The following TRMT44 variants were observed in gnomAD, a reference collection of about 807,000 sequenced individuals.
TRMT44 encodes tRNA methyltransferase 44 homolog.
Under a neutral mutation model 77.3 loss-of-function variants are expected in TRMT44, and 78 were observed. The observed-to-expected ratio is 1.01, with a 90% CI of 0.84 to 1.22. TRMT44 has a LOEUF of 1.22. Among genes scored for constraint, TRMT44 ranks in the 50% most tolerant of loss-of-function variants. The pLI is 0.00. For synonymous variants in TRMT44, 391 were observed against 383.3 expected (o/e 1.02, Z -0.23); for missense variants, 1,090 against 964.4 (o/e 1.13, Z -1.73).
rs1415832782 is a variant in TRMT44 at position 8,449,901 on chromosome 4, G to A, written c.954+13G>A. ...GGAAATGGTTAAGGTAATTCTGGTGGAGAATATCTGATTTTTCCCCCTTCA... is the reference window on the plus strand; with the variant it reads ...GGAAATGGTTAAGGTAATTCTGGTGAAGAATATCTGATTTTTCCCCCTTCA... On this transcript the variant is annotated intron_variant, in intron 3 of 10. Transcript: ENST00000389737. 6 of 1,292,158 alleles carry A rather than the reference G, an allele frequency of 4.6e-6. No homozygotes were observed. The highest frequency in any genetic ancestry group is 2.4e-5 in the Admixed American group (1 of 41,244). The allele number at this position is 1,292,158 out of a possible 1,614,324, so 80.0% of individuals were successfully genotyped here.
chr4:8,471,952 G>A (rs757996143), intron 10 of TRMT44, among the ~76,000 whole-genome samples: 2 of 152,126 alleles, frequency 1.3e-5, no homozygotes, highest in Non-Finnish European at 1.5e-5. Context: ...ACAGGGCAGG[G>A]AGCCATGGTT....
At chr4:8,506,964 A>C in the TRMT44 span, 1 of 152,744 alleles carries the variant, frequency 6.5e-6, no homozygotes, top group African/African-American at 2.4e-5. Context: ...TGGAATTGTC[A>C]TCAGACAGGC....
rs116081023 is a variant in TRMT44 at position 8,471,654 on chromosome 4, C to T, written c.2044+454C>T. Among the ~76,000 whole-genome samples, 590 of 152,354 alleles carry T rather than the reference C, an allele frequency of 3.9e-3. 4 individuals carry two copies. Among genetic ancestry groups the T allele is most frequent in the African/African-American group, 0.014 (571 of 41,578 alleles). The stretch of plus-strand genomic sequence containing the variant: ...GCCCCACAGGCGGAGGCCTGGACTC[C>T]TGTGGCCCTCGCCCCACGGGCCTGG... On this transcript the variant is annotated intron_variant, in intron 10 of 10. Coordinates refer to ENST00000389737, the MANE Select transcript of TRMT44 (RefSeq NM_152544.3).
the TRMT44 span, among the ~76,000 whole-genome samples, chr4:8,502,919 ACTT>A: frequency 6.6e-6 from 1 of 152,226 alleles, no homozygotes; most frequent in Admixed American, 6.5e-5. Context: ...GCCCAAGACC[ACTT>A]CTTCTTCACC....
At position 8,454,524 on chromosome 4, in the gene TRMT44, C is replaced by G. The variant is rs374517342; in HGVS notation, c.1132-218C>G. ...CACCAGACTGGGCTGCAGGTTCCAG[C>G]TGTTGCTGCTAGCAGGAAGTGGCTA... On this transcript the variant is annotated intron_variant, in intron 5 of 10. Coordinates refer to ENST00000389737, the MANE Select transcript of TRMT44 (RefSeq NM_152544.3). 3.9e-5 allele frequency: 23 copies of G among 592,252 alleles called. No individual in the cohort carries two copies. In the African/African-American group the frequency reaches 4.3e-4, roughly 11 times the overall value. 36.7% of individuals were successfully genotyped at this position (592,252 alleles called of 1,614,324 possible). A position where few individuals can be genotyped will look rare whatever the true frequency, so the allele number is the denominator to read the frequency against.
At chr4:8,474,577 T>C (rs1291637141) in intron 10 of TRMT44, among the ~76,000 whole-genome samples, 1 of 152,206 alleles carries the variant, frequency 6.6e-6, no homozygotes, top group East Asian at 1.9e-4. Flanking sequence ...AGGCTCGTTA[T>C]TGCCACACAC....
chr4:8,509,363 G>C, the TRMT44 span: 1 of 152,724 alleles, frequency 6.5e-6, no homozygotes, highest in Non-Finnish European at 1.5e-5. Flanking sequence ...GCAGGAGCTT[G>C]CGGGCAGCCC....
chr4:8,514,771 G>C, the TRMT44 span, among the ~76,000 whole-genome samples: 1 of 152,228 alleles, frequency 6.6e-6, no homozygotes, highest in South Asian at 2.1e-4. Context: ...TGAGTTGAAC[G>C]GTTTTGATAC....
chr4:8,489,552 C>T (rs553775597), intron 2 of TRMT44, among the ~76,000 whole-genome samples: 4 of 152,342 alleles, frequency 2.6e-5, no homozygotes, highest in South Asian at 4.1e-4. Context: ...TCTCGGCTCA[C>T]TGCAACCTCC....
the TRMT44 span, among the ~76,000 whole-genome samples, chr4:8,506,290 T>C: frequency 6.6e-6 from 1 of 152,182 alleles, no homozygotes; most frequent in Non-Finnish European, 1.5e-5. Flanking sequence ...CTGAGGGCGC[T>C]TGGAGTGCAG....
rs78504852 is a variant in TRMT44 at position 8,444,045 on chromosome 4, T to C, written c.620-2431T>C. Among the ~76,000 whole-genome samples the C allele has an allele frequency of 7.6e-4, 115 of 152,276 alleles. 2 individuals carry two copies. In the East Asian group the frequency reaches 0.015, roughly 20 times the overall value. On this transcript the variant is annotated intron_variant, in intron 1 of 10. Coordinates refer to ENST00000389737, the MANE Select transcript of TRMT44 (RefSeq NM_152544.3). This position sits in a 1 kb window ranked among gnomAD's most constrained non-coding sequence, Gnocchi z 4.0. ...ACATAGTGGTTAAGAACTTGACTTC[T>C]TTAGTTAAAGAACAGAATTCAGTTT...
downstream of TRMT44, among the ~76,000 whole-genome samples, chr4:8,480,162 A>T (rs1727568353): frequency 2.0e-5 from 3 of 152,212 alleles, no homozygotes. Flanking sequence ...CCTCCTTGGA[A>T]GAAAGAATTC....
chr4:8,484,337 A>AGT (rs1254560643), intron 2 of TRMT44, among the ~76,000 whole-genome samples: 2 of 152,174 alleles, frequency 1.3e-5, no homozygotes, highest in Non-Finnish European at 2.9e-5. Flanking sequence ...CTCAACAAAG[A>AGT]GTGAGTACAG....
intron 8 of TRMT44, 78 bp downstream of exon 8, chr4:8,465,639 T>A: frequency 7.8e-7 from 1 of 1,285,972 alleles, no homozygotes; most frequent in Non-Finnish European, 1.1e-6. Context: ...CACAGAGCCA[T>A]GAACCATGCT....
rs752752419 is a variant in TRMT44 at position 8,468,174 on chromosome 4, G to A, written c.1755G>A (p.Trp585Ter). 1 of 1,614,154 alleles carries A rather than the reference G, an allele frequency of 6.2e-7. No individual in the cohort carries two copies. ...HGAGPQAEGPWLPGFHPREKA... is the reference protein window; with the variant it reads ...HGAGPQAEGP ...CAGGGCCCCAGGCTGAAGGACCCTG[G>A]CTACCTGGATTTCATCCCAGAGAAA... Residue 585 changes from tryptophan (W) to a stop codon, truncating the protein, a stop_gained, in exon 9 of 11, where the codon TGG (tryptophan) becomes TGA (stop). Coordinates refer to ENST00000389737, the MANE Select transcript of TRMT44 (RefSeq NM_152544.3). LOFTEE classifies it high-confidence loss of function.
chr4:8,459,877 G>A (rs1726041485), intron 6 of TRMT44, among the ~76,000 whole-genome samples: 1 of 152,206 alleles, frequency 6.6e-6, no homozygotes, highest in Non-Finnish European at 1.5e-5. Context: ...GTTCGAGGGT[G>A]GTGGCAGGTG....
chr4:8,511,410 T>C, the TRMT44 span, among the ~76,000 whole-genome samples: 1 of 152,158 alleles, frequency 6.6e-6, no homozygotes, highest in African/African-American at 2.4e-5. Context: ...TGCCCACCTC[T>C]TAATCTCTAA....
chr4:8,496,362 C>G (rs537959121), downstream of TRMT44, among the ~76,000 whole-genome samples: 9 of 152,356 alleles, frequency 5.9e-5, no homozygotes, highest in Non-Finnish European at 1.3e-4. Flanking sequence ...CTCTGACTTT[C>G]TTGTTCTTAT....
the TRMT44 span, among the ~76,000 whole-genome samples, chr4:8,505,493 C>T: frequency 1.3e-5 from 2 of 152,210 alleles, no homozygotes; most frequent in African/African-American, 4.8e-5. Flanking sequence ...CCCAGGGTTC[C>T]TCCGTGGCCC....
Sources: allele counts gnomAD v4.1 joint callset (sites outside exome capture counted in the v4.1 genomes callset), GRCh38; gene constraint gnomAD v4.1.1; non-coding constraint Gnocchi (gnomAD v3.1); transcripts MANE v1.5; gene names NCBI Gene and HGNC (gene_info 2026-07-23, HGNC 2026-07-21).